The following SDK1 variants were observed in gnomAD, a reference collection of about 807,000 sequenced individuals.
SDK1 encodes sidekick cell adhesion molecule 1.
In SDK1, 157 loss-of-function variants were observed where a neutral mutation model predicts 245.5. The ratio of observed to expected loss-of-function variants is 0.64; its 90% CI spans 0.56 to 0.73. SDK1 has a LOEUF of 0.73. SDK1 is among the 30% of genes least tolerant of loss of function. The probability of loss-of-function intolerance (pLI) is 0.00; values close to 1 mark genes in which losing one functional copy is unlikely to be tolerated. For synonymous variants in SDK1, 1,647 were observed against 1,278.5 expected (o/e 1.29, Z -6.15); for missense variants, 3,583 against 3,002.3 (o/e 1.19, Z -4.52).
chr7:4,198,083 G>C (rs555698488), intron 35 of SDK1, among the ~76,000 whole-genome samples: 94 of 147,048 alleles, frequency 6.4e-4, no homozygotes, highest in African/African-American at 2.2e-3. Context: ...TGCAGGACGT[G>C]GTCACTGAGG....
At chr7:3,460,514 A>C (rs1780801354) in intron 1 of SDK1, among the ~76,000 whole-genome samples, 1 of 152,178 alleles carries the variant, frequency 6.6e-6, no homozygotes, top group Non-Finnish European at 1.5e-5. Flanking sequence ...TTTAGAAGGG[A>C]AGGAATTCGG....
At chr7:3,623,307 G>T (rs1053816015) in intron 2 of SDK1, among the ~76,000 whole-genome samples, 6 of 149,426 alleles carry the variant, frequency 4.0e-5, no homozygotes, top group African/African-American at 1.5e-4. Flanking sequence ...ATGTGCAGTG[G>T]AGCGATCTCG....
intron 40 of SDK1, among the ~76,000 whole-genome samples, chr7:4,222,376 T>C (rs867375616): frequency 5.9e-5 from 9 of 152,216 alleles, no homozygotes; most frequent in African/African-American, 1.7e-4. Flanking sequence ...CTCCCTGCAA[T>C]CTCTGCCTCC....
chr7:3,587,207 A>G (rs1780718389), intron 1 of SDK1, among the ~76,000 whole-genome samples: 1 of 152,236 alleles, frequency 6.6e-6, no homozygotes, highest in African/African-American at 2.4e-5. Context: ...GAGGCCAAAG[A>G]CAGAGGAGAA....
At chr7:3,479,237 C>T (rs1029711574) in intron 1 of SDK1, among the ~76,000 whole-genome samples, 7 of 151,726 alleles carry the variant, frequency 4.6e-5, no homozygotes, top group Non-Finnish European at 8.8e-5. Context: ...TCCTGGCCAA[C>T]GTGGCAAAAC....
intron 19 of SDK1, among the ~76,000 whole-genome samples, chr7:4,054,128 A>G (rs942600920): frequency 2.0e-5 from 3 of 151,968 alleles, no homozygotes; most frequent in Non-Finnish European, 4.4e-5. Context: ...TTTAATAGAG[A>G]TGGGGTTTCA....
In SDK1 at chr7:4,177,955, C is replaced by G. The variant is rs568647735; in HGVS notation, c.4997-530C>G. Among the ~76,000 whole-genome samples the G allele has an allele frequency of 4.0e-5, 6 of 151,412 alleles. No individual in the cohort carries two copies. The East Asian group carries it at 1.2e-3, about 30-fold the overall frequency. On this transcript the variant is annotated intron_variant, in intron 34 of 44. Coordinates refer to ENST00000404826, the MANE Select transcript of SDK1 (RefSeq NM_152744.4). Reference sequence around the variant, plus strand: ...TTGGGAACAGCACGTGCAAGAGAGCCAGGTTGTGCAAGGCATAAGGAGCAC... The same window carrying G: ...TTGGGAACAGCACGTGCAAGAGAGCGAGGTTGTGCAAGGCATAAGGAGCAC...
chr7:4,213,948 A>G (rs979037350), intron 38 of SDK1, among the ~76,000 whole-genome samples: 1 of 152,184 alleles, frequency 6.6e-6, no homozygotes, highest in African/African-American at 2.4e-5. Context: ...AGGTATAATC[A>G]CAGTGATAGG....
intron 5 of SDK1, among the ~76,000 whole-genome samples, chr7:3,931,080 C>T (rs1446814440): frequency 1.3e-5 from 2 of 152,174 alleles, no homozygotes; most frequent in Admixed American, 1.3e-4. Flanking sequence ...CATTGGAGAG[C>T]ACTTCTAATC....
chr7:3,369,921 G>GAGC (rs1781181575), intron 1 of SDK1, among the ~76,000 whole-genome samples: 1 of 152,202 alleles, frequency 6.6e-6, no homozygotes, highest in Admixed American at 6.5e-5. Flanking sequence ...TGCGGACTGG[G>GAGC]AGCACAGTGC....
chr7:3,646,197 C>T (rs745593664), intron 4 of SDK1, among the ~76,000 whole-genome samples: 37 of 152,152 alleles, frequency 2.4e-4, no homozygotes, highest in Non-Finnish European at 4.9e-4. Flanking sequence ...GAGTTTGGTT[C>T]CCTAATACGT....
At chr7:3,556,116 CTA>C (rs1229727865) in intron 1 of SDK1, among the ~76,000 whole-genome samples, 5 of 152,248 alleles carry the variant, frequency 3.3e-5, no homozygotes, top group African/African-American at 9.6e-5. Context: ...ATCTGTACTT[CTA>C]TGTTTTTTGC....
intron 32 of SDK1, among the ~76,000 whole-genome samples, chr7:4,170,358 G>T (rs1781760602): frequency 6.6e-6 from 1 of 152,084 alleles, no homozygotes; most frequent in South Asian, 2.1e-4. Context: ...GAGGCAGGAG[G>T]ATCGCTTGAG....
intron 1 of SDK1, among the ~76,000 whole-genome samples, chr7:3,521,555 G>A (rs1782941600): frequency 6.6e-6 from 1 of 152,276 alleles, no homozygotes; most frequent in South Asian, 2.1e-4. Context: ...TTATGTTAGT[G>A]TTTTAGGAGT....
At chr7:3,626,909 T>C (rs1782140132) in intron 2 of SDK1, among the ~76,000 whole-genome samples, 1 of 151,290 alleles carries the variant, frequency 6.6e-6, no homozygotes. Flanking sequence ...CAATCATATC[T>C]TGACCTCAGG....
At chr7:3,904,870 G>C (rs773844368) in intron 5 of SDK1, among the ~76,000 whole-genome samples, 2 of 151,940 alleles carry the variant, frequency 1.3e-5, no homozygotes, top group African/African-American at 2.4e-5. Flanking sequence ...GTGGGCGCCT[G>C]TAGTCCCAGC....
intron 22 of SDK1, among the ~76,000 whole-genome samples, chr7:4,101,676 G>A (rs548309900): frequency 1.2e-4 from 18 of 152,280 alleles, no homozygotes; most frequent in Admixed American, 7.8e-4. Context: ...GGCGGAGCCC[G>A]TCTTGGGAGG....
intron 1 of SDK1, among the ~76,000 whole-genome samples, chr7:3,583,899 CAG>C (rs1780598365): frequency 6.6e-6 from 1 of 152,046 alleles, no homozygotes; most frequent in Non-Finnish European, 1.5e-5. Context: ...TTGTGGAGCA[CAG>C]AGAGGCCTTG....
chr7:3,928,631 G>C (rs528857806), intron 5 of SDK1, among the ~76,000 whole-genome samples: 8 of 145,618 alleles, frequency 5.5e-5, no homozygotes, highest in African/African-American at 1.7e-4. Flanking sequence ...GTTTTTTTTT[G>C]GGGGGGGTGG....
Sources: allele counts gnomAD v4.1 joint callset (sites outside exome capture counted in the v4.1 genomes callset), GRCh38; gene constraint gnomAD v4.1.1; transcripts MANE v1.5; gene names NCBI Gene and HGNC (gene_info 2026-07-23, HGNC 2026-07-21).